ATP13A4: variants seen among roughly 807,000 people sequenced by gnomAD.
ATP13A4 encodes probable cation-transporting ATPase 13A4.
In ATP13A4, 114 loss-of-function variants were observed where a neutral mutation model predicts 142.5. The ratio of observed to expected loss-of-function variants is 0.80; its 90% CI spans 0.69 to 0.93. The LOEUF (loss-of-function observed/expected upper bound fraction) is 0.93. Among genes scored for constraint, ATP13A4 ranks in the 40% least tolerant of loss-of-function variants. The probability of loss-of-function intolerance (pLI) is 0.00; values close to 1 mark genes in which losing one functional copy is unlikely to be tolerated. For synonymous variants in ATP13A4, 488 were observed against 514.8 expected (o/e 0.95, Z 0.70); for missense variants, 1,392 against 1,454.0 (o/e 0.96, Z 0.69).
chr3:193,420,786 T>C (rs1715366172), intron 25 of ATP13A4, among the ~76,000 whole-genome samples: 1 of 146,034 alleles, frequency 6.8e-6, no homozygotes, highest in African/African-American at 2.5e-5. Context: ...TAATAGAGAG[T>C]TTTAATAGCA....
intron 11 of ATP13A4, among the ~76,000 whole-genome samples, chr3:193,465,743 A>G (rs1465862920): frequency 2.0e-5 from 3 of 152,236 alleles, no homozygotes; most frequent in African/African-American, 4.8e-5. Flanking sequence ...ATATATTCTC[A>G]GATTGAAAAG....
At chr3:193,403,007 G>A (rs1018043310) in intron 29 of ATP13A4, 143 bp from the exon 30 acceptor site, 3 of 776,604 alleles carry the variant, frequency 3.9e-6, no homozygotes, top group African/African-American at 1.7e-5. Context: ...CCAATCTAAG[G>A]TGGTTTCATT....
At chr3:193,407,422 T>C in intron 28 of ATP13A4, 29 bp from the exon 29 acceptor site, 1 of 1,556,122 alleles carries the variant, frequency 6.4e-7, no homozygotes, top group Non-Finnish European at 8.9e-7. Flanking sequence ...GCACAGTTAG[T>C]CTGAAGACAC....
At chr3:193,457,815 G>A (rs536303294) in intron 14 of ATP13A4, among the ~76,000 whole-genome samples, 69 of 152,306 alleles carry the variant, frequency 4.5e-4, no homozygotes, top group African/African-American at 1.3e-3. Flanking sequence ...CCTTTCTGTC[G>A]TTCTTTTCCT....
At chr3:193,545,494 T>C (rs1331743828) in intron 1 of ATP13A4, among the ~76,000 whole-genome samples, 2 of 152,232 alleles carry the variant, frequency 1.3e-5, no homozygotes, top group Non-Finnish European at 1.5e-5. Flanking sequence ...GATGGTATTC[T>C]GAGCTGCCTT....
chr3:193,591,852 A>G (rs1264779565), intron 1 of ATP13A4, among the ~76,000 whole-genome samples: 1 of 152,150 alleles, frequency 6.6e-6, no homozygotes, highest in East Asian at 1.9e-4. Context: ...TAAAATAACA[A>G]GGAAGTAACG....
chr3:193,463,248 G>A (rs142376202), intron 12 of ATP13A4, among the ~76,000 whole-genome samples: 111 of 152,180 alleles, frequency 7.3e-4, no homozygotes, highest in Admixed American at 2.0e-3. Flanking sequence ...AACTTCAGAG[G>A]ATTGTTTTGA....
intron 2 of ATP13A4, among the ~76,000 whole-genome samples, chr3:193,580,787 A>C (rs561421950): frequency 1.3e-5 from 2 of 152,188 alleles, no homozygotes; most frequent in African/African-American, 4.8e-5. Flanking sequence ...TTGGCTTAAA[A>C]GATTATAAAT....
At position 193,569,274 on chromosome 3, in the gene ATP13A4, C is replaced by T. The variant is rs533658594; in HGVS notation, n.291+12433G>A. 1.7e-3 allele frequency among the ~76,000 whole-genome samples: 256 copies of T among 152,312 alleles called. 8 individuals carry two copies. Among genetic ancestry groups the T allele is most frequent in the South Asian group, 0.015 (73 of 4,826 alleles). On this transcript the variant is annotated intron_variant and non_coding_transcript_variant, in intron 2 of 3. Transcript: ENST00000489140. ...TGTTCGACAAATCCCAATAAAGGGA[C>T]GTGGTACAAAATACCAGTCTAGTAG...
intron 25 of ATP13A4, among the ~76,000 whole-genome samples, chr3:193,417,898 G>A (rs1468082466): frequency 1.4e-4 from 21 of 147,200 alleles, no homozygotes; most frequent in African/African-American, 3.8e-4. Context: ...CAAGGCGGGC[G>A]GATCACAAGG....
At chr3:193,525,609 C>T (rs1048041999) in intron 1 of ATP13A4, among the ~76,000 whole-genome samples, 6 of 152,168 alleles carry the variant, frequency 3.9e-5, no homozygotes, top group African/African-American at 1.4e-4. Flanking sequence ...AACTCTACTT[C>T]CTGGGGAAGG....
chr3:193,586,404 C>T (rs1051353816), intron 1 of ATP13A4, among the ~76,000 whole-genome samples: 3 of 152,100 alleles, frequency 2.0e-5, no homozygotes, highest in Admixed American at 6.5e-5. Flanking sequence ...GAAATCCTTG[C>T]CTATTCCTCT....
chr3:193,469,488 T>C (rs1718493939), intron 9 of ATP13A4, among the ~76,000 whole-genome samples: 1 of 152,168 alleles, frequency 6.6e-6, no homozygotes, highest in African/African-American at 2.4e-5. Flanking sequence ...TAGCCAGGCA[T>C]GGTGGTGCAC....
At chr3:193,483,444 T>C (rs1337556358) in intron 8 of ATP13A4, among the ~76,000 whole-genome samples, 1 of 152,078 alleles carries the variant, frequency 6.6e-6, no homozygotes, top group Non-Finnish European at 1.5e-5. Flanking sequence ...CCCAATAAAG[T>C]AGTTTTTTTG....
chr3:193,512,107 C>T (rs994861956), intron 2 of ATP13A4, among the ~76,000 whole-genome samples: 1 of 152,148 alleles, frequency 6.6e-6, no homozygotes, highest in African/African-American at 2.4e-5. Flanking sequence ...GCTGATGGAC[C>T]CTGCAAGGCA....
intron 16 of ATP13A4, 139 bp downstream of exon 16, chr3:193,456,861 C>T (rs1462707135): frequency 1.0e-5 from 11 of 1,063,212 alleles, no homozygotes; most frequent in East Asian, 2.6e-5. Context: ...GCTTGGTTTT[C>T]GTATTGAATT....
chr3:193,567,262 A>G (rs187020675), intron 2 of ATP13A4, among the ~76,000 whole-genome samples: 138 of 152,342 alleles, frequency 9.1e-4, no homozygotes, highest in African/African-American at 3.2e-3. Flanking sequence ...ACCAAAAAAG[A>G]AAACAAAGAG....
intron 1 of ATP13A4, among the ~76,000 whole-genome samples, chr3:193,529,309 A>C (rs919271835): frequency 6.6e-6 from 1 of 151,910 alleles, no homozygotes; most frequent in Non-Finnish European, 1.5e-5. Flanking sequence ...TCTACTTCCT[A>C]AACTAGATGG....
intron 9 of ATP13A4, among the ~76,000 whole-genome samples, chr3:193,469,284 G>A (rs1005588810): frequency 2.6e-5 from 4 of 152,144 alleles, no homozygotes; most frequent in African/African-American, 9.7e-5. Flanking sequence ...CAGAAAGAGA[G>A]CTGGTCAGAA....
Sources: gnomAD v4.1 joint callset for allele counts (sites outside exome capture counted in the v4.1 genomes callset) on GRCh38, gnomAD v4.1.1 for gene constraint, MANE v1.5 for transcripts, NCBI Gene and HGNC (gene_info 2026-07-23, HGNC 2026-07-21) for gene names.